Variants in NKAIN2 observed in about 807,000 individuals in gnomAD.
NKAIN2 encodes the protein sodium/potassium transporting ATPase interacting 2, also known as sodium/potassium-transporting ATPase subunit beta-1-interacting protein 2.
NKAIN2 carries 14 observed loss-of-function variants against 32.6 expected under a neutral mutation model. That is an observed-to-expected ratio of 0.43 (90% CI 0.28 to 0.67). The LOEUF is 0.67. Among genes scored for constraint, NKAIN2 ranks in the 30% least tolerant of loss-of-function variants. The probability of loss-of-function intolerance (pLI) is 0.17; values close to 1 mark genes in which losing one functional copy is unlikely to be tolerated. For missense variants in NKAIN2, 198 were observed against 258.3 expected (o/e 0.77, Z 1.60); for synonymous variants, 80 against 87.2 (o/e 0.92, Z 0.46).
At chr6:123,956,264 G>A (rs761160119) in intron 1 of NKAIN2, among the ~76,000 whole-genome samples, 39 of 152,112 alleles carry the variant, frequency 2.6e-4, no homozygotes, top group Non-Finnish European at 4.6e-4. Flanking sequence ...TCTGCATTAT[G>A]GACTGAATTG....
intron 3 of NKAIN2, among the ~76,000 whole-genome samples, chr6:124,594,408 A>C (rs921888171): frequency 6.6e-6 from 1 of 152,222 alleles, no homozygotes; most frequent in Non-Finnish European, 1.5e-5. Flanking sequence ...AAAAGAGTTG[A>C]AAAAAGGAGG....
At chr6:124,560,164 T>C (rs2114890183) in intron 3 of NKAIN2, among the ~76,000 whole-genome samples, 1 of 152,280 alleles carries the variant, frequency 6.6e-6, no homozygotes, top group East Asian at 1.9e-4. Flanking sequence ...AATTCACACA[T>C]CTCATGGAGG....
intron 1 of NKAIN2, among the ~76,000 whole-genome samples, chr6:124,200,803 A>G (rs1296707840): frequency 6.6e-6 from 1 of 152,090 alleles, no homozygotes; most frequent in Non-Finnish European, 1.5e-5. Flanking sequence ...TGACTTGTGC[A>G]AATATTCCAC....
chr6:124,650,650 T>G (rs1013461947), intron 3 of NKAIN2, among the ~76,000 whole-genome samples: 1 of 152,088 alleles, frequency 6.6e-6, no homozygotes, highest in East Asian at 1.9e-4. Flanking sequence ...GGTGGCAACA[T>G]TAGCTCATTC....
At position 124,032,566 on chromosome 6, in the gene NKAIN2, G is replaced by A. The variant is rs144786204; in HGVS notation, c.54+228312G>A. The stretch of plus-strand genomic sequence containing the variant: ...TCATTTTTACCATTATTTGATAAAG[G>A]TAAGTAGACAAATAGATAACACATT... On this transcript the variant is annotated intron_variant, in intron 1 of 6. Transcript: ENST00000368417. Among the ~76,000 whole-genome samples, 126 of 152,016 alleles carry A rather than the reference G, an allele frequency of 8.3e-4. 2 individuals are homozygous for A. Among genetic ancestry groups the A allele is most frequent in the African/African-American group, 2.8e-3 (117 of 41,482 alleles).
In NKAIN2 at chr6:124,743,627, T is replaced by C. The variant is rs375039300; in HGVS notation, c.475-47712T>C. Among the ~76,000 whole-genome samples, 10 of 151,904 alleles carry C rather than the reference T, an allele frequency of 6.6e-5. No homozygotes were observed. The East Asian group carries it at 7.8e-4, about 12-fold the overall frequency. Reference sequence around the variant, plus strand: ...ACATGATATCCCTCTCTGAGATATGTGCAAAGCTTCAGGCAGCTGTTTCTG... The same window carrying C: ...ACATGATATCCCTCTCTGAGATATGCGCAAAGCTTCAGGCAGCTGTTTCTG... On this transcript the variant is annotated intron_variant, in intron 4 of 6. Coordinates refer to ENST00000368417, the MANE Select transcript of NKAIN2 (RefSeq NM_001040214.3).
chr6:124,706,311 T>C (rs543727508), intron 4 of NKAIN2, among the ~76,000 whole-genome samples: 4 of 152,262 alleles, frequency 2.6e-5, no homozygotes, highest in Non-Finnish European at 5.9e-5. Context: ...AAATGAGCCT[T>C]AGGCAGGTCC....
At chr6:123,893,550 CTTG>C (rs150470288) in intron 1 of NKAIN2, among the ~76,000 whole-genome samples, 3 of 152,270 alleles carry the variant, frequency 2.0e-5, no homozygotes, top group Non-Finnish European at 4.4e-5. Flanking sequence ...ACTCTCTGGT[CTTG>C]TTGATCCACT....
At chr6:123,808,226 T>C (rs1327723752) in intron 1 of NKAIN2, among the ~76,000 whole-genome samples, 1 of 152,148 alleles carries the variant, frequency 6.6e-6, no homozygotes, top group Non-Finnish European at 1.5e-5. Context: ...TTCAGAAGTT[T>C]ATAACTTTAT....
intron 3 of NKAIN2, among the ~76,000 whole-genome samples, chr6:124,360,834 G>A (rs1168442452): frequency 6.6e-6 from 1 of 152,148 alleles, no homozygotes; most frequent in African/African-American, 2.4e-5. Context: ...TTTCCTAGAT[G>A]TCCTGTTAAG....
chr6:124,591,172 T>C (rs942498286), intron 3 of NKAIN2, among the ~76,000 whole-genome samples: 3 of 152,216 alleles, frequency 2.0e-5, no homozygotes, highest in African/African-American at 7.2e-5. Context: ...GTTTTGAGCA[T>C]TTGTGGTGCC....
chr6:124,186,807 T>C (rs887684448), intron 1 of NKAIN2, among the ~76,000 whole-genome samples: 1 of 152,216 alleles, frequency 6.6e-6, no homozygotes, highest in African/African-American at 2.4e-5. Context: ...TACCTCTCTG[T>C]GAAAACAATA....
chr6:124,561,913 A>G (rs1014216153), intron 3 of NKAIN2, among the ~76,000 whole-genome samples: 29 of 152,210 alleles, frequency 1.9e-4, no homozygotes, highest in African/African-American at 7.0e-4. Flanking sequence ...AGTCAAAGCA[A>G]TGCATATGGT....
intron 5 of NKAIN2, among the ~76,000 whole-genome samples, chr6:124,799,461 A>G (rs1212419944): frequency 6.6e-6 from 1 of 152,140 alleles, no homozygotes; most frequent in African/African-American, 2.4e-5. Context: ...CTTTTCACTC[A>G]TACACATACA....
intron 3 of NKAIN2, among the ~76,000 whole-genome samples, chr6:124,394,656 A>G (rs1221330748): frequency 6.6e-6 from 1 of 150,744 alleles, no homozygotes; most frequent in Non-Finnish European, 1.5e-5. Context: ...AATGGCAGAA[A>G]AAAAAAAAAA....
At chr6:123,973,424 A>G (rs1778424237) in intron 1 of NKAIN2, among the ~76,000 whole-genome samples, 4 of 152,078 alleles carry the variant, frequency 2.6e-5, no homozygotes. Context: ...CGAGGTGGAA[A>G]GGCATAGAAC....
At chr6:124,721,969 A>G (rs1235686512) in intron 4 of NKAIN2, among the ~76,000 whole-genome samples, 3 of 152,214 alleles carry the variant, frequency 2.0e-5, no homozygotes, top group African/African-American at 4.8e-5. Context: ...ATAAAATAAC[A>G]GCTCTTCATT....
At chr6:124,586,608 G>GAA (rs201022705) in intron 3 of NKAIN2, among the ~76,000 whole-genome samples, 1 of 127,696 alleles carries the variant, frequency 7.8e-6, no homozygotes, top group Non-Finnish European at 1.7e-5. Flanking sequence ...AAGTTGGAAA[G>GAA]AAAAAAAAAA....
In NKAIN2 at chr6:124,347,656, T is replaced by C. The variant is rs567971827; in HGVS notation, c.193-7611T>C. On this transcript the variant is annotated intron_variant, in intron 2 of 6. Transcript: ENST00000368417. ...TCCTGAGGCTTCTGCATTCTTCACG[T>C]AGTTCTCGAGCCTTGGCTTTCAGCT... is the stretch of plus-strand genomic sequence containing the variant. 5.7e-3 allele frequency among the ~76,000 whole-genome samples: 869 copies of C among 152,342 alleles called. 9 individuals are homozygous for C. The highest frequency in any genetic ancestry group is 0.02 in the African/African-American group (823 of 41,578).
Sources: gnomAD v4.1 joint callset for allele counts (sites outside exome capture counted in the v4.1 genomes callset) on GRCh38, gnomAD v4.1.1 for gene constraint, MANE v1.5 for transcripts, NCBI Gene and HGNC (gene_info 2026-07-23, HGNC 2026-07-21) for gene names.